Variants in GAN observed in about 807,000 individuals in gnomAD.
The protein encoded by GAN is gigaxonin.
A neutral mutation model predicts 71.3 loss-of-function variants in GAN; 48 were observed. The ratio of observed to expected loss-of-function variants is 0.67; its 90% CI spans 0.53 to 0.86. GAN has a LOEUF of 0.86. GAN is among the 40% of genes least tolerant of loss of function. The pLI is 0.00. For synonymous variants in GAN, 386 were observed against 276.8 expected, an observed-to-expected ratio of 1.39 and a Z score of -3.92; for missense variants, 928 against 770.1, an observed-to-expected ratio of 1.21 and a Z score of -2.43.
At chr16:81,373,298 T>A (rs1278043911) in intron 9 of GAN, among the ~76,000 whole-genome samples, 2 of 152,238 alleles carry the variant, frequency 1.3e-5, no homozygotes, top group African/African-American at 4.8e-5. Context: ...ACCATTTAGA[T>A]GCATTCCCAA....
chr16:81,372,681 A>G (rs748480887), intron 9 of GAN, among the ~76,000 whole-genome samples: 14 of 152,244 alleles, frequency 9.2e-5, no homozygotes, highest in Non-Finnish European at 1.9e-4. Context: ...AGGTTAATAC[A>G]GTCATTCCGG....
chr16:81,316,868 T>C (rs1909060610), intron 1 of GAN, among the ~76,000 whole-genome samples: 1 of 152,194 alleles, frequency 6.6e-6, no homozygotes, highest in Admixed American at 6.5e-5. Context: ...GTGTTTTGTT[T>C]TGTTTTTCGA....
intron 1 of GAN, among the ~76,000 whole-genome samples, chr16:81,331,120 A>G (rs1381030057): frequency 1.3e-5 from 2 of 152,206 alleles, no homozygotes; most frequent in Non-Finnish European, 2.9e-5. Flanking sequence ...GAGGAGGATC[A>G]CTTGAGCCCA....
In GAN at chr16:81,351,842, G is replaced by T. The variant is rs1324084242; in HGVS notation, c.282+145G>T. 5.7e-6 allele frequency: 4 copies of T among 703,580 alleles called. No homozygotes were observed. The Admixed American group carries it at 6.0e-5, about 11-fold the overall frequency. The allele number at this position is 703,580 out of a possible 1,614,324, so 43.6% of individuals were successfully genotyped here. ...GTGCATTGACTGACATTTCCTACTG[G>T]TAATGGCACCCCATGTGTGTTCTTC... is the stretch of plus-strand genomic sequence containing the variant. On this transcript the variant is annotated intron_variant, in intron 2 of 10. Coordinates refer to ENST00000648994, the MANE Select transcript of GAN (RefSeq NM_022041.4).
intron 1 of GAN, among the ~76,000 whole-genome samples, chr16:81,325,078 G>C (rs1909340671): frequency 6.6e-6 from 1 of 152,172 alleles, no homozygotes; most frequent in Non-Finnish European, 1.5e-5. Flanking sequence ...ATGCTCCCAG[G>C]CATGCTGTTG....
At chr16:81,344,116 C>T (rs1910037676) in intron 1 of GAN, among the ~76,000 whole-genome samples, 1 of 152,136 alleles carries the variant, frequency 6.6e-6, no homozygotes, top group Non-Finnish European at 1.5e-5. Context: ...TAAGAGAGGA[C>T]ACAAACAATG....
At chr16:81,344,244 A>G (rs892706412) in intron 1 of GAN, among the ~76,000 whole-genome samples, 9 of 152,236 alleles carry the variant, frequency 5.9e-5, no homozygotes, top group Non-Finnish European at 1.3e-4. Flanking sequence ...CTTTCTTCAC[A>G]GAATTGGAAA....
intron 7 of GAN, among the ~76,000 whole-genome samples, chr16:81,364,186 C>G (rs937517243): frequency 6.6e-6 from 1 of 152,272 alleles, no homozygotes; most frequent in Admixed American, 6.5e-5. Flanking sequence ...GTGTCAAGCT[C>G]CACATTTGAG....
At chr16:81,370,612 C>T (rs890214131) in intron 9 of GAN, among the ~76,000 whole-genome samples, 1 of 152,208 alleles carries the variant, frequency 6.6e-6, no homozygotes. Flanking sequence ...GTGCTGAGGC[C>T]GCTGGAGAGT....
chr16:81,320,775 G>C (rs1278495760), intron 1 of GAN, among the ~76,000 whole-genome samples: 3 of 152,100 alleles, frequency 2.0e-5, no homozygotes, highest in Non-Finnish European at 4.4e-5. Context: ...AAAATAAGCT[G>C]GGCTTGAGTC....
rs1169541276 is a variant in GAN at position 81,385,876 on chromosome 16, A to C, written c.*8280A>C. 6.6e-6 allele frequency: 1 copy of C among 151,386 alleles called. No homozygotes were observed. Among genetic ancestry groups the C allele is most frequent in the East Asian group, 1.9e-4 (1 of 5,168 alleles). 9.4% of individuals were successfully genotyped at this position (151,386 alleles called of 1,614,324 possible). A position where few individuals can be genotyped will look rare whatever the true frequency, so the allele number is the denominator to read the frequency against. ...GGGATCCTCCTGCCTCGGCCTGCCA[A>C]GTAGCTGGGACTACAAGTGCACACC... is the stretch of plus-strand genomic sequence containing the variant. On this transcript the variant is annotated 3_prime_UTR_variant, in exon 11 of 11. Coordinates refer to ENST00000648994, the MANE Select transcript of GAN (RefSeq NM_022041.4).
intron 9 of GAN, among the ~76,000 whole-genome samples, chr16:81,370,885 T>C (rs1394390334): frequency 6.6e-6 from 1 of 152,278 alleles, no homozygotes; most frequent in East Asian, 1.9e-4. Flanking sequence ...GGTAGAATTC[T>C]AGATTACTTA....
intron 1 of GAN, among the ~76,000 whole-genome samples, chr16:81,345,945 G>A (rs1910104448): frequency 6.6e-6 from 1 of 152,192 alleles, no homozygotes; most frequent in East Asian, 1.9e-4. Flanking sequence ...CACATGCCCA[G>A]TTCACAATAG....
chr16:81,340,920 A>G (rs567917705), intron 1 of GAN, among the ~76,000 whole-genome samples: 25 of 152,190 alleles, frequency 1.6e-4, no homozygotes, highest in African/African-American at 6.0e-4. Flanking sequence ...ATGGCTAACT[A>G]GAATAACCAG....
At position 81,354,704 on chromosome 16, in the gene GAN, T is replaced by G. The variant is rs142332207; in HGVS notation, c.582T>G (p.Tyr194Ter). ...LEKLNVGNER[Y>*]VFEAVIRWIA... Reference sequence around the variant, plus strand: ...AGTTAAACGTTGGCAATGAAAGATATGTCTTTGAAGCAGTAATTCGATGGA... The same window carrying G: ...AGTTAAACGTTGGCAATGAAAGATAGGTCTTTGAAGCAGTAATTCGATGGA... Residue 194 changes from tyrosine to a stop codon, truncating the protein, a stop_gained, in exon 3 of 11, where the codon TAT becomes TAG. Coordinates refer to ENST00000648994, the MANE Select transcript of GAN (RefSeq NM_022041.4). LOFTEE classifies it high-confidence loss of function. The G allele has an allele frequency of 1.2e-6, 2 of 1,612,754 alleles. No individual in the cohort carries two copies. The highest frequency in any genetic ancestry group is 1.7e-5 in the Admixed American group (1 of 60,006).
chr16:81,319,072 T>A (rs1047079734), intron 1 of GAN, among the ~76,000 whole-genome samples: 7 of 151,632 alleles, frequency 4.6e-5, no homozygotes, highest in South Asian at 2.1e-4. Flanking sequence ...TTACAGCACT[T>A]CGGGAGGCTG....
chr16:81,376,463 ATATGTG>A (rs1268655961), intron 9 of GAN, among the ~76,000 whole-genome samples: 90 of 90,122 alleles, frequency 1.0e-3, no homozygotes, highest in African/African-American at 2.5e-3. Context: ...TTATACATAC[ATATGTG>A]TGTGTGTGTG....
chr16:81,342,715 A>G (rs1222112262), intron 1 of GAN, among the ~76,000 whole-genome samples: 3 of 152,228 alleles, frequency 2.0e-5, no homozygotes, highest in African/African-American at 7.2e-5. Context: ...CATCACAATT[A>G]AAAGAACTAG....
At chr16:81,361,368 C>G (rs978180764) in intron 5 of GAN, among the ~76,000 whole-genome samples, 1 of 148,016 alleles carries the variant, frequency 6.8e-6, no homozygotes, top group Admixed American at 6.8e-5. Context: ...GAAAACACTA[C>G]TAATTTGGTA....
Sources: gnomAD v4.1 joint callset for allele counts (sites outside exome capture counted in the v4.1 genomes callset) on GRCh38, gnomAD v4.1.1 for gene constraint, MANE v1.5 for transcripts, NCBI Gene and HGNC (gene_info 2026-07-23, HGNC 2026-07-21) for gene names.